CSMD1: variants seen among roughly 807,000 people sequenced by gnomAD.
CSMD1 encodes the protein CUB and Sushi multiple domains 1, also known as CUB and sushi domain-containing protein 1.
Under a neutral mutation model 417.5 loss-of-function variants are expected in CSMD1, and 213 were observed. The observed-to-expected ratio is 0.51, with a 90% CI of 0.46 to 0.57. The LOEUF (loss-of-function observed/expected upper bound fraction) is 0.57, where lower values mean the gene tolerates loss of function less well. Among genes scored for constraint, CSMD1 ranks in the 20% least tolerant of loss-of-function variants. The pLI, the probability that CSMD1 is intolerant of heterozygous loss-of-function variation, is 0.00. For missense variants in CSMD1, 6,923 were observed against 4,529.7 expected (o/e 1.53, Z -15.17); for synonymous variants, 2,862 against 1,736.8 (o/e 1.65, Z -16.11).
intron 26 of CSMD1, among the ~76,000 whole-genome samples, chr8:3,283,029 C>G (rs781772159): frequency 5.3e-5 from 8 of 152,174 alleles, no homozygotes; most frequent in Non-Finnish European, 8.8e-5. Context: ...CCACTCCTTC[C>G]TCCTTCGGAA....
chr8:4,428,173 T>G (rs1371337242), intron 2 of CSMD1, among the ~76,000 whole-genome samples: 1 of 152,186 alleles, frequency 6.6e-6, no homozygotes, highest in Non-Finnish European at 1.5e-5. Context: ...TGGCTTCACT[T>G]AAAAGGAAAA....
intron 2 of CSMD1, among the ~76,000 whole-genome samples, chr8:4,524,103 A>T (rs942510658): frequency 6.6e-6 from 1 of 152,168 alleles, no homozygotes; most frequent in Non-Finnish European, 1.5e-5. Flanking sequence ...AGTCCCAAGA[A>T]AAAACTCCCC....
chr8:3,166,085 G>C lies in CSMD1; in HGVS notation c.5726-3808C>G, dbSNP rs1159242426. ...AATATGATATGATAGGAAGTAGGCA[G>C]GGTGGTGTTTGGTAATAAATATGAA... On this transcript the variant is annotated intron_variant, in intron 37 of 69. Transcript: ENST00000635120. Among the ~76,000 whole-genome samples, 2 of 152,114 alleles carry C rather than the reference G, an allele frequency of 1.3e-5. 1 individual carries two copies. The highest frequency in any genetic ancestry group is 2.9e-5 in the Non-Finnish European group (2 of 68,024).
chr8:4,984,783 G>T (rs73497789), intron 1 of CSMD1, among the ~76,000 whole-genome samples: 7 of 152,146 alleles, frequency 4.6e-5, no homozygotes, highest in African/African-American at 1.4e-4. Flanking sequence ...CCAGATTCTT[G>T]CCAGAACAGA....
intron 7 of CSMD1, among the ~76,000 whole-genome samples, chr8:3,707,319 G>C (rs1801225994): frequency 6.7e-6 from 1 of 148,668 alleles, no homozygotes; most frequent in Non-Finnish European, 1.5e-5. Flanking sequence ...ATTGACCCGA[G>C]AGGGTTCAGA....
intron 18 of CSMD1, among the ~76,000 whole-genome samples, chr8:3,386,659 T>C (rs918023567): frequency 6.6e-6 from 1 of 152,218 alleles, no homozygotes; most frequent in Admixed American, 6.5e-5. Flanking sequence ...ATTGAAGATG[T>C]AAATGAAATA....
At chr8:3,765,360 C>G (rs1383976531) in intron 5 of CSMD1, among the ~76,000 whole-genome samples, 1 of 152,132 alleles carries the variant, frequency 6.6e-6, no homozygotes, top group Non-Finnish European at 1.5e-5. Context: ...AGAGACCTTT[C>G]TCTCCTTGTC....
chr8:3,832,699 T>A (rs1212506590), intron 5 of CSMD1, among the ~76,000 whole-genome samples: 2 of 152,158 alleles, frequency 1.3e-5, no homozygotes, highest in African/African-American at 4.8e-5. Context: ...ATGACTGTAT[T>A]TCAGAACGAA....
chr8:3,434,480 T>A (rs1814420755), intron 12 of CSMD1, among the ~76,000 whole-genome samples: 1 of 152,226 alleles, frequency 6.6e-6, no homozygotes, highest in South Asian at 2.1e-4. Context: ...ACAGTTAATA[T>A]GTGTTTTCAC....
intron 3 of CSMD1, among the ~76,000 whole-genome samples, chr8:4,058,493 G>A (rs1421356157): frequency 1.3e-5 from 2 of 152,108 alleles, no homozygotes; most frequent in South Asian, 4.1e-4. Context: ...GGGACAATTT[G>A]CCTTCCTCTT....
intron 20 of CSMD1, among the ~76,000 whole-genome samples, chr8:3,361,108 G>A (rs1378574740): frequency 6.6e-6 from 1 of 152,054 alleles, no homozygotes; most frequent in Admixed American, 6.5e-5. Flanking sequence ...TTTGACTTAT[G>A]CATAGTATGA....
chr8:3,503,685 A>G (rs988294483), intron 10 of CSMD1, among the ~76,000 whole-genome samples: 5 of 152,318 alleles, frequency 3.3e-5, no homozygotes, highest in Middle Eastern at 3.4e-3. Context: ...CAAGACAGCT[A>G]AAGAAGCTGG....
intron 3 of CSMD1, among the ~76,000 whole-genome samples, chr8:4,046,329 T>C (rs1798145105): frequency 6.6e-6 from 1 of 152,174 alleles, no homozygotes; most frequent in Admixed American, 6.5e-5. Flanking sequence ...GAAGTTAGCT[T>C]CTAAAAATAG....
intron 10 of CSMD1, among the ~76,000 whole-genome samples, chr8:3,570,260 A>G (rs1363432199): frequency 6.6e-6 from 1 of 151,934 alleles, no homozygotes; most frequent in Non-Finnish European, 1.5e-5. Context: ...GTTAATTCCA[A>G]CCTCTTTCCT....
chr8:4,061,287 G>C (rs560203357), intron 3 of CSMD1, among the ~76,000 whole-genome samples: 2 of 152,084 alleles, frequency 1.3e-5, no homozygotes, highest in Admixed American at 6.5e-5. Flanking sequence ...TCACAGAGAG[G>C]TACATCTTAT....
At chr8:3,455,398 G>A (rs921200985) in intron 12 of CSMD1, among the ~76,000 whole-genome samples, 2 of 152,194 alleles carry the variant, frequency 1.3e-5, no homozygotes, top group African/African-American at 4.8e-5. Flanking sequence ...CTGATTTTTA[G>A]AGTCTCCAGT....
chr8:4,319,134 A>G lies in CSMD1; in HGVS notation c.415+100819T>C, dbSNP rs556941575. 2.6e-5 allele frequency among the ~76,000 whole-genome samples: 4 copies of G among 152,200 alleles called. 1 individual carries two copies. Among genetic ancestry groups the G allele is most frequent in the Admixed American group, 1.3e-4 (2 of 15,274 alleles). On this transcript the variant is annotated intron_variant, in intron 3 of 69. Coordinates refer to ENST00000635120, the MANE Select transcript of CSMD1 (RefSeq NM_033225.6). ...GTAAGGAGGATTTTAAAAGCAGATTAAATCAAAATTGGGAAAATACCTGAA... is the reference window on the plus strand; with the variant it reads ...GTAAGGAGGATTTTAAAAGCAGATTGAATCAAAATTGGGAAAATACCTGAA...
intron 12 of CSMD1, among the ~76,000 whole-genome samples, chr8:3,465,671 C>G (rs1160427348): frequency 1.3e-5 from 2 of 152,130 alleles, no homozygotes; most frequent in Non-Finnish European, 2.9e-5. Context: ...GATTTCTTGT[C>G]AAGGTTGGAG....
intron 4 of CSMD1, among the ~76,000 whole-genome samples, chr8:4,018,650 T>G (rs765450157): frequency 9.3e-4 from 142 of 152,350 alleles, no homozygotes; most frequent in Admixed American, 7.8e-4. Context: ...AGAAAACACT[T>G]GTTTAATTCA....
Sources: gnomAD v4.1 joint callset for allele counts (sites outside exome capture counted in the v4.1 genomes callset) on GRCh38, gnomAD v4.1.1 for gene constraint, MANE v1.5 for transcripts, NCBI Gene and HGNC (gene_info 2026-07-23, HGNC 2026-07-21) for gene names.